GABRB1: variants seen among roughly 807,000 people sequenced by gnomAD.
The protein encoded by GABRB1 is gamma-aminobutyric acid type A receptor subunit beta1, also known as gamma-aminobutyric acid receptor subunit beta-1.
GABRB1 carries 17 observed loss-of-function variants against 51.6 expected under a neutral mutation model. That is an observed-to-expected ratio of 0.33 (90% confidence interval 0.23 to 0.49). GABRB1 has a LOEUF of 0.49. Among genes scored for constraint, GABRB1 ranks in the 20% least tolerant of loss-of-function variants. The pLI, the probability that GABRB1 is intolerant of heterozygous loss-of-function variation, is 0.99. For synonymous variants in GABRB1, 247 were observed against 218.9 expected, an observed-to-expected ratio of 1.13 and a Z score of -1.14; for missense variants, 410 against 600.6, an observed-to-expected ratio of 0.68 and a Z score of 3.32.
intron 4 of GABRB1, among the ~76,000 whole-genome samples, chr4:47,181,585 T>G (rs1645702218): frequency 6.6e-6 from 1 of 151,980 alleles, no homozygotes; most frequent in South Asian, 2.1e-4. Context: ...CTTTCACTTT[T>G]CTCATCCATA....
At chr4:47,425,441 G>T (rs560387062) in intron 8 of GABRB1, among the ~76,000 whole-genome samples, 6 of 150,698 alleles carry the variant, frequency 4.0e-5, no homozygotes, top group Non-Finnish European at 7.4e-5. Context: ...AGTGGAGACA[G>T]ATGATAGCTA....
intron 4 of GABRB1, among the ~76,000 whole-genome samples, chr4:47,205,331 C>T (rs963471803): frequency 2.0e-5 from 3 of 152,052 alleles, no homozygotes; most frequent in African/African-American, 4.8e-5. Flanking sequence ...ATATATTCAG[C>T]TCAAAGGAAT....
chr4:47,203,190 A>C (rs747113055), intron 4 of GABRB1, among the ~76,000 whole-genome samples: 2 of 152,174 alleles, frequency 1.3e-5, no homozygotes, highest in Admixed American at 6.5e-5. Flanking sequence ...AACACCAGGC[A>C]CTTCTACATA....
chr4:47,103,957 A>G (rs1233328090), intron 3 of GABRB1, among the ~76,000 whole-genome samples: 4 of 151,774 alleles, frequency 2.6e-5, no homozygotes, highest in African/African-American at 9.7e-5. Flanking sequence ...AGAAAAAATA[A>G]ATTTCATATT....
chr4:47,420,154 G>T (rs1729049885), intron 8 of GABRB1, among the ~76,000 whole-genome samples: 1 of 152,188 alleles, frequency 6.6e-6, no homozygotes, highest in African/African-American at 2.4e-5. Flanking sequence ...AAAAGCACAG[G>T]AGGGTTCAAC....
intron 4 of GABRB1, among the ~76,000 whole-genome samples, chr4:47,207,166 A>T (rs1720166432): frequency 6.6e-6 from 1 of 151,956 alleles, no homozygotes; most frequent in African/African-American, 2.4e-5. Context: ...GTATCACAGC[A>T]CAATTTGCAC....
intron 5 of GABRB1, among the ~76,000 whole-genome samples, chr4:47,335,360 T>A (rs73249609): frequency 0.21 from 32,423 of 152,112 alleles, 4,374 homozygotes; most frequent in Middle Eastern, 0.39. Context: ...ATGTTATATG[T>A]AGAGGGAAGG....
chr4:47,424,584 G>GTGTT (rs969691169), intron 8 of GABRB1, among the ~76,000 whole-genome samples: 1 of 152,016 alleles, frequency 6.6e-6, no homozygotes, highest in African/African-American at 2.4e-5. Context: ...AGTGTGTTAA[G>GTGTT]TGTTTACTAA....
chr4:47,006,685 C>G (rs1724409937), intron 1 of GABRB1, among the ~76,000 whole-genome samples: 1 of 152,100 alleles, frequency 6.6e-6, no homozygotes, highest in Non-Finnish European at 1.5e-5. Flanking sequence ...ACATATTTGG[C>G]TTTTCTTGTA....
chr4:47,216,916 G>A (rs1425687388), intron 4 of GABRB1, among the ~76,000 whole-genome samples: 5 of 151,802 alleles, frequency 3.3e-5, no homozygotes, highest in Non-Finnish European at 7.4e-5. Flanking sequence ...TTGCCACATT[G>A]TTTTAACAGT....
At chr4:47,242,660 T>A (rs1425821659) in intron 4 of GABRB1, among the ~76,000 whole-genome samples, 1 of 152,264 alleles carries the variant, frequency 6.6e-6, no homozygotes, top group South Asian at 2.1e-4. Flanking sequence ...TTTTCTCATA[T>A]GTCTGTTGGC....
intron 3 of GABRB1, among the ~76,000 whole-genome samples, chr4:47,040,052 C>A (rs1725770254): frequency 6.6e-6 from 1 of 152,108 alleles, no homozygotes; most frequent in Non-Finnish European, 1.5e-5. Flanking sequence ...TATTTACTGT[C>A]TTTTATATAC....
chr4:47,336,648 C>T (rs1725707173), intron 5 of GABRB1, among the ~76,000 whole-genome samples: 2 of 152,026 alleles, frequency 1.3e-5, no homozygotes, highest in Admixed American at 1.3e-4. Context: ...AAAAAATGTT[C>T]TAGAAAAAGA....
At chr4:47,324,712 A>G (rs1327704928) in intron 5 of GABRB1, among the ~76,000 whole-genome samples, 1 of 152,172 alleles carries the variant, frequency 6.6e-6, no homozygotes, top group East Asian at 1.9e-4. Flanking sequence ...TGAGCCCCAG[A>G]TTGATGTACT....
chr4:47,087,787 T>C (rs1728140267), intron 3 of GABRB1, among the ~76,000 whole-genome samples: 1 of 152,200 alleles, frequency 6.6e-6, no homozygotes, highest in African/African-American at 2.4e-5. Context: ...AGACTTGTTT[T>C]CCTTATCTGG....
intron 5 of GABRB1, among the ~76,000 whole-genome samples, chr4:47,377,629 A>G (rs2110025457): frequency 6.6e-6 from 1 of 152,218 alleles, no homozygotes; most frequent in South Asian, 2.1e-4. Context: ...TTATTCTCTT[A>G]TCTGGCCCCA....
chr4:47,223,251 T>C (rs900063050), intron 4 of GABRB1, among the ~76,000 whole-genome samples: 8 of 152,156 alleles, frequency 5.3e-5, no homozygotes, highest in Admixed American at 4.6e-4. Flanking sequence ...ATCGAAAGTA[T>C]ATTATTTTAC....
intron 4 of GABRB1, among the ~76,000 whole-genome samples, chr4:47,238,612 A>C (rs1721413365): frequency 1.3e-5 from 2 of 152,186 alleles, no homozygotes. Context: ...GCTCCACTGC[A>C]GGGAGCATAC....
chr4:47,056,981 C>T (rs1726636635), intron 3 of GABRB1, among the ~76,000 whole-genome samples: 1 of 152,128 alleles, frequency 6.6e-6, no homozygotes, highest in African/African-American at 2.4e-5. Context: ...TGGCATGCCC[C>T]TGTAATCCCA....
Sources: gnomAD v4.1 joint callset for allele counts (sites outside exome capture counted in the v4.1 genomes callset) on GRCh38, gnomAD v4.1.1 for gene constraint, MANE v1.5 for transcripts, NCBI Gene and HGNC (gene_info 2026-07-23, HGNC 2026-07-21) for gene names.